BUB1B: variants seen among roughly 807,000 people sequenced by gnomAD.
BUB1B encodes BUB1 mitotic checkpoint serine/threonine kinase B, also known as mitotic checkpoint serine/threonine-protein kinase BUB1 beta.
A neutral mutation model predicts 137.7 loss-of-function variants in BUB1B; 86 were observed. That is an observed-to-expected ratio of 0.62 (90% CI 0.52 to 0.75). BUB1B has a LOEUF of 0.75. Ranked by LOEUF, BUB1B falls within the 30% of genes least tolerant of loss-of-function variation. BUB1B has a pLI of 0.00. For synonymous variants in BUB1B, 420 were observed against 417.9 expected (o/e 1.00, Z -0.06); for missense variants, 1,130 against 1,236.9 (o/e 0.91, Z 1.30).
intron 14 of BUB1B, among the ~76,000 whole-genome samples, chr15:40,205,370 CAT>C (rs1282300907): frequency 2.0e-5 from 3 of 151,912 alleles, no homozygotes; most frequent in African/African-American, 4.8e-5. Context: ...CTCTGGTATC[CAT>C]ATGGGTTAAA....
chr15:40,215,057 C>T (rs772745362), intron 20 of BUB1B, among the ~76,000 whole-genome samples: 2 of 152,166 alleles, frequency 1.3e-5, no homozygotes, highest in South Asian at 4.1e-4. Flanking sequence ...TACGATAACC[C>T]TTCTCTCAGC....
intron 12 of BUB1B, among the ~76,000 whole-genome samples, chr15:40,201,706 G>A (rs1024872864): frequency 4.6e-5 from 7 of 151,788 alleles, no homozygotes; most frequent in Non-Finnish European, 7.4e-5. Context: ...TCGCTCTGTC[G>A]CCCAGGCTGG....
rs764329961 is a variant in BUB1B at position 40,212,504 on chromosome 15, T to C, written c.2391T>C (p.Ser797=). 10 of 1,611,412 alleles carry C rather than the reference T, an allele frequency of 6.2e-6. No homozygotes were observed. Among genetic ancestry groups the C allele is most frequent in the East Asian group, 4.5e-5 (2 of 44,804 alleles). ...NSAELTVIKV[S]SQPVPWDFYI... is the part of the protein sequence containing the mutation. ...TAAAATACAATGTCTTACAGGTATCTTCTCAACCTGTCCCATGGGACTTTT... is the reference window on the plus strand; with the variant it reads ...TAAAATACAATGTCTTACAGGTATCCTCTCAACCTGTCCCATGGGACTTTT... Residue 797 remains serine (S), a synonymous_variant, in exon 19 of 23, where the codon TCT becomes TCC. Transcript: ENST00000287598.
Position 40,199,658 on chromosome 15 carries a change from A to G in BUB1B, c.1332A>G (p.Lys444=), listed in dbSNP as rs1411222731. 3.1e-6 allele frequency: 5 copies of G among 1,614,062 alleles called. No homozygotes were observed. The highest frequency in any genetic ancestry group is 4.2e-6 in the Non-Finnish European group (5 of 1,179,934). Residue 444 remains lysine, a synonymous_variant, in exon 10 of 23, where the codon AAA becomes AAG. Transcript: ENST00000287598. Reference sequence around the variant, plus strand: ...CAGAGAAGAGAGCAGAAATGCAGAAACAGATTGAAGAGATGGAGAAGAAGC... The same window carrying G: ...CAGAGAAGAGAGCAGAAATGCAGAAGCAGATTGAAGAGATGGAGAAGAAGC... The part of the protein sequence containing the change: ...TSAEKRAEMQ[K]QIEEMEKKLK...
Position 40,213,403 on chromosome 15 carries a change from A to G in BUB1B, c.2607A>G (p.Ile869Met), listed in dbSNP as rs756781190. The change falls in exon 20 of 23, where the codon ATA becomes ATG. Residue 869 changes from isoleucine to methionine, a missense_variant. By Grantham distance (10) the Ile-to-Met change is conservative. Transcript: ENST00000287598. ...TVLIIYNLLT[I>M]VEMLHKAEIV... ...TGATTATTTATAACCTTTTGACAAT[A>G]GTGGAGATGCTACACAAAGCAGAAA... 6.2e-7 allele frequency: 1 copy of G among 1,614,016 alleles called. No homozygotes were observed. The highest frequency in any genetic ancestry group is 8.5e-7 in the Non-Finnish European group (1 of 1,179,862).
chr15:40,190,303 AT>A (rs994260385), intron 8 of BUB1B, among the ~76,000 whole-genome samples: 252 of 151,646 alleles, frequency 1.7e-3, no homozygotes, highest in African/African-American at 6.0e-3. Flanking sequence ...TTTTTATTTT[AT>A]TTTTTTTAGT....
At chr15:40,206,513 A>G (rs149401771) in intron 15 of BUB1B, 55 bp downstream of exon 15, 31 of 1,605,984 alleles carry the variant, frequency 1.9e-5, no homozygotes, top group Non-Finnish European at 2.6e-5. Context: ...CTTATTCTGC[A>G]TGTGCTTGTC....
At position 40,161,177 on chromosome 15, in the gene BUB1B, G is replaced by C. The variant is rs1187785148; in HGVS notation, c.-44G>C. Reference sequence around the variant, plus strand: ...AAGCCCAGGCGGTCTGTGGCCCAGAGGAAAGGCCTGCAGCAGGACGAGGAC... The same window carrying C: ...AAGCCCAGGCGGTCTGTGGCCCAGACGAAAGGCCTGCAGCAGGACGAGGAC... On this transcript the variant is annotated 5_prime_UTR_variant, in exon 1 of 23. Transcript: ENST00000287598. The C allele has an allele frequency of 6.2e-7, 1 of 1,609,932 alleles. No individual in the cohort carries two copies. The highest frequency in any genetic ancestry group is 1.1e-5 in the South Asian group (1 of 90,136).
chr15:40,187,315 A>T (rs139238671), intron 8 of BUB1B, among the ~76,000 whole-genome samples: 3,240 of 151,962 alleles, frequency 0.021, 108 homozygotes, highest in African/African-American at 0.075. Context: ...TTTAGTAGAG[A>T]CGGGATTTCA....
At chr15:40,166,561 C>T (rs1195197654) in intron 2 of BUB1B, 8 of 240,540 alleles carry the variant, frequency 3.3e-5, no homozygotes, top group Non-Finnish European at 5.0e-5. Flanking sequence ...AGGATGGTCT[C>T]GATCTCCTGA....
intron 8 of BUB1B, among the ~76,000 whole-genome samples, chr15:40,191,871 C>T (rs1356272996): frequency 2.7e-5 from 4 of 148,962 alleles, no homozygotes; most frequent in African/African-American, 9.8e-5. Flanking sequence ...TTTTTTTTTT[C>T]CCCTACACGA....
intron 6 of BUB1B, 120 bp downstream of exon 6, chr15:40,184,003 A>T (rs981379700): frequency 2.8e-6 from 3 of 1,064,452 alleles, no homozygotes; most frequent in Non-Finnish European, 4.2e-6. Context: ...GAGTAGCAAA[A>T]AGAAGGAAGT....
chr15:40,200,448 C>T lies in BUB1B; in HGVS notation c.1517+89C>T, dbSNP rs561789631. ...CTCTAGTGCCTTGAAGTCTCCTTGA[C>T]GTTTACAGTATCGAGACATGGTTTT... On this transcript the variant is annotated intron_variant, in intron 11 of 22. Transcript: ENST00000287598. The T allele has an allele frequency of 1.8e-4, 161 of 919,974 alleles. No individual in the cohort carries two copies. The African/African-American group carries it at 2.3e-3, about 13-fold the overall frequency. The allele number at this position is 919,974 out of a possible 1,614,324, so 57.0% of individuals were successfully genotyped here. A position where few individuals can be genotyped will look rare whatever the true frequency, so the allele number is the denominator to read the frequency against.
chr15:40,206,760 T>C (rs1406652375), intron 15 of BUB1B, among the ~76,000 whole-genome samples: 1 of 152,222 alleles, frequency 6.6e-6, no homozygotes, highest in East Asian at 1.9e-4. Context: ...ATTTAGTTTT[T>C]CTTTAATATT....
At chr15:40,162,385 T>C (rs192607665) in intron 1 of BUB1B, among the ~76,000 whole-genome samples, 1 of 152,188 alleles carries the variant, frequency 6.6e-6, no homozygotes, top group African/African-American at 2.4e-5. Context: ...TTGGAAGGTT[T>C]TGAGCAAAGG....
At position 40,176,595 on chromosome 15, in the gene BUB1B, T is replaced by G. The variant is rs1278838636; in HGVS notation, c.503T>G (p.Phe168Cys). ...GAAGAATATGAAGCTAGAGAAAACT[T>G]TAGGAAAGCAGATGCGATATTTCAG... is the stretch of plus-strand genomic sequence containing the variant. ...WAEEYEAREN[F>C]RKADAIFQEG... The change falls in exon 5 of 23, where the codon TTT becomes TGT. Residue 168 changes from phenylalanine (F) to cysteine (C), a missense_variant. By Grantham distance (205) the Phe-to-Cys change is radical. Coordinates refer to ENST00000287598, the MANE Select transcript of BUB1B (RefSeq NM_001211.6). 8 of 1,614,022 alleles carry G rather than the reference T, an allele frequency of 5.0e-6. No homozygotes were observed. Among genetic ancestry groups the G allele is most frequent in the Non-Finnish European group, 6.8e-6 (8 of 1,180,022 alleles).
At chr15:40,209,881 A>AT (rs1566827620) in intron 17 of BUB1B, 106 bp downstream of exon 17, 1 of 1,460,158 alleles carries the variant, frequency 6.8e-7, no homozygotes, top group Non-Finnish European at 9.5e-7. Context: ...CCTAGATTGT[A>AT]TTTTTTAAAA....
At chr15:40,175,389 C>T (rs1566817381) in intron 4 of BUB1B, among the ~76,000 whole-genome samples, 3 of 151,896 alleles carry the variant, frequency 2.0e-5, no homozygotes, top group Non-Finnish European at 4.4e-5. Flanking sequence ...AGAGCAAGAC[C>T]TTGTCTGTAG....
chr15:40,165,407 A>G (rs1014545135), intron 2 of BUB1B, among the ~76,000 whole-genome samples: 3 of 152,200 alleles, frequency 2.0e-5, no homozygotes, highest in Non-Finnish European at 4.4e-5. Flanking sequence ...ATTTCATTTC[A>G]CTGTGGTGCA....
Sources: allele counts gnomAD v4.1 joint callset (sites outside exome capture counted in the v4.1 genomes callset), GRCh38; gene constraint gnomAD v4.1.1; transcripts MANE v1.5; gene names NCBI Gene and HGNC (gene_info 2026-07-23, HGNC 2026-07-21).